LRP1B: variants seen among roughly 807,000 people sequenced by gnomAD.
LRP1B encodes low-density lipoprotein receptor-related protein 1B.
In LRP1B, 217 loss-of-function variants were observed where a neutral mutation model predicts 556.6. The ratio of observed to expected loss-of-function variants is 0.39; its 90% CI spans 0.35 to 0.44. The LOEUF (loss-of-function observed/expected upper bound fraction) is 0.44, where lower values mean the gene tolerates loss of function less well. Ranked by LOEUF, LRP1B falls within the 20% of genes least tolerant of loss-of-function variation. The pLI is 1.00. For synonymous variants in LRP1B, 2,047 were observed against 1,865.8 expected, an observed-to-expected ratio of 1.10 and a Z score of -2.50; for missense variants, 5,053 against 5,620.8, an observed-to-expected ratio of 0.90 and a Z score of 3.23.
chr2:140,989,817 A>G (rs1697036461), intron 16 of LRP1B, among the ~76,000 whole-genome samples, 160 bp from the exon 17 acceptor site: 2 of 152,202 alleles, frequency 1.3e-5, no homozygotes, highest in Non-Finnish European at 2.9e-5. Context: ...AAATACTAAT[A>G]TTCACTTTGT....
At chr2:140,511,468 A>AT (rs912455202) in intron 51 of LRP1B, among the ~76,000 whole-genome samples, 9 of 151,702 alleles carry the variant, frequency 5.9e-5, no homozygotes, top group Admixed American at 2.0e-4. Context: ...CGCCCGGCTA[A>AT]TTTTTTGTAT....
At chr2:140,768,801 C>T (rs1357402568) in intron 35 of LRP1B, among the ~76,000 whole-genome samples, 1 of 151,814 alleles carries the variant, frequency 6.6e-6, no homozygotes, top group African/African-American at 2.4e-5. Context: ...ATTTCATTTG[C>T]CACCGCTTGT....
At chr2:141,257,920 G>T (rs777880491) in intron 3 of LRP1B, among the ~76,000 whole-genome samples, 1 of 152,214 alleles carries the variant, frequency 6.6e-6, no homozygotes, top group South Asian at 2.1e-4. Context: ...TATAAATATA[G>T]TTAAAAGCAT....
chr2:141,992,274 A>G (rs1308989332), intron 1 of LRP1B, among the ~76,000 whole-genome samples: 1 of 152,056 alleles, frequency 6.6e-6, no homozygotes, highest in Non-Finnish European at 1.5e-5. Flanking sequence ...AGCCTCTCAT[A>G]ATGGATGATT....
At chr2:141,703,179 G>T (rs1218374455) in intron 2 of LRP1B, among the ~76,000 whole-genome samples, 1 of 151,832 alleles carries the variant, frequency 6.6e-6, no homozygotes, top group Non-Finnish European at 1.5e-5. Flanking sequence ...TATTAGAAAA[G>T]TGTATGAATA....
At chr2:141,976,135 C>A (rs373670264) in intron 1 of LRP1B, among the ~76,000 whole-genome samples, 19 of 151,896 alleles carry the variant, frequency 1.3e-4, no homozygotes, top group East Asian at 5.8e-4. Context: ...TTTTTTTCTG[C>A]TCAATAGTTC....
chr2:141,266,791 A>G (rs942981626), intron 3 of LRP1B, among the ~76,000 whole-genome samples: 1 of 152,228 alleles, frequency 6.6e-6, no homozygotes, highest in African/African-American at 2.4e-5. Context: ...ACAAGGCCAT[A>G]ATCAAATCTG....
At chr2:140,668,847 T>G (rs1685380906) in intron 41 of LRP1B, among the ~76,000 whole-genome samples, 1 of 151,920 alleles carries the variant, frequency 6.6e-6, no homozygotes, top group Admixed American at 6.6e-5. Context: ...ATAAAAAATA[T>G]GAATTTTCCA....
At position 141,061,920 on chromosome 2, in the gene LRP1B, T is replaced by C. The variant is rs898629717; in HGVS notation, c.1236+131A>G. 7 of 687,832 alleles carry C rather than the reference T, an allele frequency of 1.0e-5. No homozygotes were observed. In the Admixed American group the frequency reaches 1.2e-4, roughly 12 times the overall value. 42.6% of individuals were successfully genotyped at this position (687,832 alleles called of 1,614,324 possible). On this transcript the variant is annotated intron_variant, in intron 8 of 90. Coordinates refer to ENST00000389484, the MANE Select transcript of LRP1B (RefSeq NM_018557.3). ...ACTGTGAAAAGAACATTCTCCAATA[T>C]AGGAAATATACTGTAATTTTTATGA... is the stretch of plus-strand genomic sequence containing the variant.
chr2:140,951,271 C>T (rs933152901), intron 19 of LRP1B, among the ~76,000 whole-genome samples: 1 of 152,022 alleles, frequency 6.6e-6, no homozygotes, highest in African/African-American at 2.4e-5. Flanking sequence ...TGTACAGTAT[C>T]ATTAGAAATG....
In LRP1B at chr2:140,818,438, T is replaced by C. The variant is rs533660348; in HGVS notation, c.5210-4632A>G. On this transcript the variant is annotated intron_variant, in intron 31 of 90. Transcript: ENST00000389484. The stretch of plus-strand genomic sequence containing the variant: ...TATATCTGTAGAAGAATTATAATAT[T>C]CTAAATACCCCAAAATGAACATTTT... Among the ~76,000 whole-genome samples the C allele has an allele frequency of 2.6e-5, 4 of 152,272 alleles. No individual in the cohort carries two copies. The East Asian group carries it at 7.7e-4, about 29-fold the overall frequency.
intron 84 of LRP1B, 102 bp downstream of exon 84, chr2:140,297,706 A>G (rs1683664625): frequency 7.6e-7 from 1 of 1,319,876 alleles, no homozygotes. Flanking sequence ...AACCTGAAAA[A>G]TAGAGGATGG....
chr2:140,273,254 C>T (rs573609833), intron 85 of LRP1B, among the ~76,000 whole-genome samples: 11 of 151,926 alleles, frequency 7.2e-5, no homozygotes, highest in East Asian at 2.0e-4. Context: ...GAACAATGTA[C>T]GCTCACTAAT....
chr2:141,695,371 A>G (rs1415842053), intron 2 of LRP1B, among the ~76,000 whole-genome samples: 1 of 152,012 alleles, frequency 6.6e-6, no homozygotes, highest in Admixed American at 6.6e-5. Context: ...AATATGCCTG[A>G]CCTACTTTAA....
intron 11 of LRP1B, among the ~76,000 whole-genome samples, chr2:141,041,643 G>T (rs1420545059): frequency 6.6e-6 from 1 of 152,078 alleles, no homozygotes; most frequent in Non-Finnish European, 1.5e-5. Context: ...TATATGGGAG[G>T]AACAAGTTCT....
At chr2:140,389,935 C>A (rs916270616) in intron 66 of LRP1B, among the ~76,000 whole-genome samples, 1 of 151,884 alleles carries the variant, frequency 6.6e-6, no homozygotes, top group Non-Finnish European at 1.5e-5. Context: ...TCAAGACCAG[C>A]CTGGCCAACT....
In LRP1B at chr2:141,247,269, G is replaced by A; in HGVS notation, c.549C>T (p.Gly183=). 1.2e-6 allele frequency: 2 copies of A among 1,613,776 alleles called. No homozygotes were observed. The highest frequency in any genetic ancestry group is 2.2e-5 in the East Asian group (1 of 44,844). The change falls in exon 5 of 91, where the codon GGC becomes GGT. Residue 183 remains glycine, a synonymous_variant. Coordinates refer to ENST00000389484, the MANE Select transcript of LRP1B (RefSeq NM_018557.3). ...ATCTGTTGTCTGGCTGCATTAGGTA[G>A]CCTTCCACACAACTGCAAGTGTAGG... ...HGSYTCSCVE[G]YLMQPDNRSC...
intron 7 of LRP1B, among the ~76,000 whole-genome samples, chr2:141,112,064 A>AAAT (rs1178344224): frequency 6.8e-5 from 7 of 103,604 alleles, no homozygotes; most frequent in African/African-American, 1.3e-4. Flanking sequence ...ATAAATAAAT[A>AAAT]AATAAATAAT....
Position 140,893,321 on chromosome 2 carries a change from T to G in LRP1B, c.3767-6986A>C, listed in dbSNP as rs542276191. Among the ~76,000 whole-genome samples the G allele has an allele frequency of 2.0e-4, 31 of 152,334 alleles. 1 individual carries two copies. The East Asian group carries it at 6.0e-3, about 29-fold the overall frequency. On this transcript the variant is annotated intron_variant, in intron 23 of 90. Transcript: ENST00000389484. The stretch of plus-strand genomic sequence containing the variant: ...GGATATAAAATATTTTGATTCAATC[T>G]CAACTTTTATGAAAGTGGATGCAAG...
Sources: allele counts gnomAD v4.1 joint callset (sites outside exome capture counted in the v4.1 genomes callset), GRCh38; gene constraint gnomAD v4.1.1; transcripts MANE v1.5; gene names NCBI Gene and HGNC (gene_info 2026-07-23, HGNC 2026-07-21).